The following VAX2 variants were observed in gnomAD, a reference collection of about 807,000 sequenced individuals.
VAX2 encodes ventral anterior homeobox 2.
Under a neutral mutation model 12.5 loss-of-function variants are expected in VAX2, and 8 were observed. The ratio of observed to expected loss-of-function variants is 0.64; its 90% CI spans 0.37 to 1.15. The LOEUF is 1.15. Ranked by LOEUF, VAX2 falls within the 50% of genes most tolerant of loss-of-function variation. The probability of loss-of-function intolerance (pLI) is 0.01; values close to 1 mark genes in which losing one functional copy is unlikely to be tolerated. For synonymous variants in VAX2, 183 were observed against 187.6 expected, an observed-to-expected ratio of 0.98 and a Z score of 0.20; for missense variants, 476 against 412.9, an observed-to-expected ratio of 1.15 and a Z score of -1.32.
chr2:70,930,442 G>A (rs1345133594), intron 2 of VAX2, among the ~76,000 whole-genome samples: 1 of 152,168 alleles, frequency 6.6e-6, no homozygotes, highest in Non-Finnish European at 1.5e-5. Flanking sequence ...CCTCCTCCCA[G>A]TGCAGCCTCT....
Position 70,921,225 on chromosome 2 carries a change from G to A in VAX2, c.375G>A (p.Gln125=), listed in dbSNP as rs533591314. ...TGGAGATGGAGTTCCAGCGCTGCCAGTATGTGGTGGGCCGCGAGCGCACTG... is the reference window on the plus strand; with the variant it reads ...TGGAGATGGAGTTCCAGCGCTGCCAATATGTGGTGGGCCGCGAGCGCACTG... ...YRLEMEFQRC[Q]YVVGRERTEL... is the part of the protein sequence containing the mutation. Residue 125 remains glutamine (Q), a synonymous_variant, in exon 2 of 3, where the codon CAG becomes CAA. Transcript: ENST00000234392. The A allele has an allele frequency of 1.9e-6, 3 of 1,613,710 alleles. No individual in the cohort carries two copies. Among genetic ancestry groups the A allele is most frequent in the East Asian group, 4.5e-5 (2 of 44,862 alleles).
intron 1 of VAX2, among the ~76,000 whole-genome samples, chr2:70,903,913 A>G (rs1325555050): frequency 6.6e-6 from 1 of 152,188 alleles, no homozygotes; most frequent in Non-Finnish European, 1.5e-5. Flanking sequence ...AGCCCTCCCC[A>G]ATCTCCTTGG....
At position 70,933,166 on chromosome 2, in the gene VAX2, G is replaced by A; in HGVS notation, c.835G>A (p.Val279Met). 1 of 1,543,412 alleles carries A rather than the reference G, an allele frequency of 6.5e-7. No homozygotes were observed. Among genetic ancestry groups the A allele is most frequent in the Non-Finnish European group, 8.7e-7 (1 of 1,147,748 alleles). ...FEPYSWLERK[V>M]GSASSCKKAN... The stretch of plus-strand genomic sequence containing the variant: ...GCCATACAGCTGGCTAGAACGGAAA[G>A]TGGGCAGCGCCAGCAGCTGCAAGAA... Residue 279 changes from valine (V) to methionine (M), a missense_variant, in exon 3 of 3, where the codon GTG becomes ATG. Transcript: ENST00000234392.
chr2:70,923,890 T>C (rs1449759401), intron 2 of VAX2, among the ~76,000 whole-genome samples: 1 of 152,188 alleles, frequency 6.6e-6, no homozygotes, highest in Non-Finnish European at 1.5e-5. Flanking sequence ...CCCAGCACTT[T>C]GGGAGGCCAA....
At position 70,932,821 on chromosome 2, in the gene VAX2, G is replaced by C; in HGVS notation, c.490G>C (p.Asp164His). 2 of 1,611,304 alleles carry C rather than the reference G, an allele frequency of 1.2e-6. No individual in the cohort carries two copies. Among genetic ancestry groups the C allele is most frequent in the Non-Finnish European group, 8.5e-7 (1 of 1,178,924 alleles). Residue 164 changes from aspartate to histidine, a missense_variant, in exon 3 of 3, where the codon GAC becomes CAC. Coordinates refer to ENST00000234392, the MANE Select transcript of VAX2 (RefSeq NM_012476.3). Reference sequence around the variant, plus strand: ...CAAGCAGAAGAAAGACCAGAGCAGAGACCTGGAGAAGCGGGCGTCCTCCTC... The same window carrying C: ...CAAGCAGAAGAAAGACCAGAGCAGACACCTGGAGAAGCGGGCGTCCTCCTC... ...RTKQKKDQSR[D>H]LEKRASSSAS...
In VAX2 at chr2:70,915,358, T is replaced by C. The variant is rs868922946; in HGVS notation, c.248-5740T>C. Among the ~76,000 whole-genome samples the C allele has an allele frequency of 4.2e-4, 64 of 152,138 alleles. 1 individual carries two copies. Among genetic ancestry groups the C allele is most frequent in the Middle Eastern group, 3.4e-3 (1 of 294 alleles). ...CCCTTCCCTGCCTCAGCCTCCCAAG[T>C]AGCTGGATTACAGGTGCCTGCCACC... On this transcript the variant is annotated intron_variant, in intron 1 of 2. Coordinates refer to ENST00000234392, the MANE Select transcript of VAX2 (RefSeq NM_012476.3).
intron 2 of VAX2, among the ~76,000 whole-genome samples, chr2:70,929,623 G>GTTGCAGT (rs1454613953): frequency 6.6e-6 from 1 of 150,698 alleles, no homozygotes; most frequent in Non-Finnish European, 1.5e-5. Context: ...GGAGGTGGAA[G>GTTGCAGT]TTGCAGTGAG....
chr2:70,909,001 C>A (rs1553410905), intron 1 of VAX2, among the ~76,000 whole-genome samples: 3 of 152,142 alleles, frequency 2.0e-5, no homozygotes, highest in Non-Finnish European at 4.4e-5. Context: ...TTTCCTTTGA[C>A]CAGTTTAATT....
At chr2:70,923,070 G>A (rs1328860083) in intron 2 of VAX2, among the ~76,000 whole-genome samples, 1 of 152,044 alleles carries the variant, frequency 6.6e-6, no homozygotes, top group East Asian at 1.9e-4. Flanking sequence ...TGTGGTGTTG[G>A]ATGTCCACCA....
intron 1 of VAX2, among the ~76,000 whole-genome samples, chr2:70,909,051 A>G (rs1553410913): frequency 6.6e-6 from 1 of 152,184 alleles, no homozygotes; most frequent in Non-Finnish European, 1.5e-5. Flanking sequence ...TAGAAACTCT[A>G]TGTATTGCTT....
Position 70,932,770 on chromosome 2 carries a change from A to G in VAX2, c.439A>G (p.Lys147Glu). ...ACACCCCCTCCCCCACCCCAAGGTG[A>G]AGGTCTGGTTCCAGAACCGCCGCAC... ...RQLNLSETQV[K>E]VWFQNRRTKQ... The change falls in exon 3 of 3, where the codon AAG becomes GAG. Residue 147 changes from lysine to glutamate, a missense_variant. Coordinates refer to ENST00000234392, the MANE Select transcript of VAX2 (RefSeq NM_012476.3). 1 of 1,548,818 alleles carries G rather than the reference A, an allele frequency of 6.5e-7. No homozygotes were observed. The highest frequency in any genetic ancestry group is 8.7e-7 in the Non-Finnish European group (1 of 1,145,516).
At chr2:70,915,632 T>A (rs1679292893) in intron 1 of VAX2, among the ~76,000 whole-genome samples, 1 of 152,264 alleles carries the variant, frequency 6.6e-6, no homozygotes, top group Admixed American at 6.5e-5. Context: ...AATTTTATCA[T>A]CTATGATTTG....
In VAX2 at chr2:70,900,670, G is replaced by A. The variant is rs1195096721; in HGVS notation, c.49G>A (p.Glu17Lys). 6 of 1,287,270 alleles carry A rather than the reference G, an allele frequency of 4.7e-6. No individual in the cohort carries two copies. The highest frequency in any genetic ancestry group is 3.1e-5 in the African/African-American group (2 of 64,704). The allele number at this position is 1,287,270 out of a possible 1,614,324, so 79.7% of individuals were successfully genotyped here. A position where few individuals can be genotyped will look rare whatever the true frequency, so the allele number is the denominator to read the frequency against. Reference protein sequence around the residue: ...ERDRGPARRAESGGGGGRCGD... With the variant: ...ERDRGPARRAKSGGGGGRCGD... ...CGACCGGGGCCCCGCGCGCCGGGCGGAGTCTGGTGGCGGCGGTGGGCGCTG... is the reference window on the plus strand; with the variant it reads ...CGACCGGGGCCCCGCGCGCCGGGCGAAGTCTGGTGGCGGCGGTGGGCGCTG... Residue 17 changes from glutamate (E) to lysine (K), a missense_variant, in exon 1 of 3, where the codon GAG (glutamate) becomes AAG (lysine). By Grantham distance (56) the Glu-to-Lys change is moderately conservative (BLOSUM62 1). Coordinates refer to ENST00000234392, the MANE Select transcript of VAX2 (RefSeq NM_012476.3).
chr2:70,909,478 A>G (rs1174591787), intron 1 of VAX2, among the ~76,000 whole-genome samples: 1 of 152,164 alleles, frequency 6.6e-6, no homozygotes, highest in East Asian at 1.9e-4. Flanking sequence ...TATCTTTTTA[A>G]TTACAAAAGC....
chr2:70,903,089 CTGGCAGTCCCACCA>C (rs767926464), intron 1 of VAX2, among the ~76,000 whole-genome samples: 16 of 152,206 alleles, frequency 1.1e-4, no homozygotes, highest in Non-Finnish European at 1.6e-4. Flanking sequence ...ACCTGTGTTA[CTGGCAGTCCCACCA>C]TGGCTCAGGG....
intron 1 of VAX2, among the ~76,000 whole-genome samples, chr2:70,914,371 C>A (rs1004515925): frequency 1.3e-5 from 2 of 152,150 alleles, no homozygotes; most frequent in Admixed American, 6.5e-5. Flanking sequence ...ATCACTTGAA[C>A]CCGGGAGGCG....
intron 1 of VAX2, among the ~76,000 whole-genome samples, chr2:70,909,237 C>T (rs1679130579): frequency 6.6e-6 from 1 of 152,130 alleles, no homozygotes; most frequent in East Asian, 1.9e-4. Context: ...CCAACAATAG[C>T]ACACTATAAC....
intron 1 of VAX2, among the ~76,000 whole-genome samples, chr2:70,909,232 A>C (rs1259985788): frequency 3.3e-5 from 5 of 152,040 alleles, no homozygotes; most frequent in Admixed American, 3.3e-4. Context: ...GTGGCCCAAC[A>C]ATAGCACACT....
At chr2:70,913,548 T>C (rs1235563685) in intron 1 of VAX2, among the ~76,000 whole-genome samples, 2 of 151,884 alleles carry the variant, frequency 1.3e-5, no homozygotes, top group Non-Finnish European at 2.9e-5. Flanking sequence ...TGGTGGTGGG[T>C]GCCTGTAATC....
Sources: gnomAD v4.1 joint callset for allele counts (sites outside exome capture counted in the v4.1 genomes callset) on GRCh38, gnomAD v4.1.1 for gene constraint, MANE v1.5 for transcripts, NCBI Gene and HGNC (gene_info 2026-07-23, HGNC 2026-07-21) for gene names.